Variants in CEP250 observed in about 807,000 individuals in gnomAD.
CEP250 encodes the protein centrosomal protein 250.
CEP250 carries 242 observed loss-of-function variants against 315.7 expected under a neutral mutation model. The observed-to-expected ratio is 0.77, with a 90% CI of 0.69 to 0.85. CEP250 has a LOEUF of 0.85. Among genes scored for constraint, CEP250 ranks in the 40% least tolerant of loss-of-function variants. The probability of loss-of-function intolerance (pLI) is 0.00; values close to 1 mark genes in which losing one functional copy is unlikely to be tolerated. For synonymous variants in CEP250, 1,088 were observed against 1,175.0 expected (o/e 0.93, Z 1.51); for missense variants, 2,515 against 2,886.4 (o/e 0.87, Z 2.95).
At chr20:35,502,007 G>A in intron 29 of CEP250, 41 bp downstream of exon 29, 1 of 1,595,992 alleles carries the variant, frequency 6.3e-7, no homozygotes, top group South Asian at 1.1e-5. Context: ...TGCCTCAGGA[G>A]TAGTCCCTTG....
rs774113176 is a variant in CEP250 at position 35,511,638 on chromosome 20, A to G, written c.*12A>G. ...CCGCCTCCAGGTAGCAGCCACAGCC[A>G]GGAGCACACAGACAGAAGACTGTGT... is the stretch of plus-strand genomic sequence containing the variant. On this transcript the variant is annotated 3_prime_UTR_variant, in exon 35 of 35. Coordinates refer to ENST00000397527, the MANE Select transcript of CEP250 (RefSeq NM_007186.6). 3 of 1,603,732 alleles carry G rather than the reference A, an allele frequency of 1.9e-6. No homozygotes were observed. The highest frequency in any genetic ancestry group is 2.6e-6 in the Non-Finnish European group (3 of 1,174,148).
At chr20:35,470,734 CAA>C (rs1292026531) in intron 10 of CEP250, among the ~76,000 whole-genome samples, 1 of 152,148 alleles carries the variant, frequency 6.6e-6, no homozygotes, top group Non-Finnish European at 1.5e-5. Flanking sequence ...GCCTGGGCAA[CAA>C]GAGTGAAACT....
At chr20:35,498,109 C>A in intron 26 of CEP250, 42 bp downstream of exon 26, 1 of 1,420,930 alleles carries the variant, frequency 7.0e-7, no homozygotes, top group Non-Finnish European at 9.4e-7. Flanking sequence ...GGGCCAAAGC[C>A]AGGCCTGGCT....
intron 10 of CEP250, among the ~76,000 whole-genome samples, chr20:35,470,566 A>T (rs1324610833): frequency 2.6e-5 from 4 of 152,196 alleles, no homozygotes; most frequent in Non-Finnish European, 5.9e-5. Context: ...CCTGACCAAC[A>T]TGCAGAAACC....
intron 20 of CEP250, among the ~76,000 whole-genome samples, chr20:35,483,119 G>A (rs527946169): frequency 1.1e-4 from 17 of 151,580 alleles, no homozygotes; most frequent in African/African-American, 3.6e-4. Context: ...TCAGGAGTTC[G>A]AGACCAGCCT....
At position 35,511,441 on chromosome 20, in the gene CEP250, C is replaced by T. The variant is rs201496220; in HGVS notation, c.7144C>T (p.Arg2382Cys). The T allele has an allele frequency of 2.0e-5, 32 of 1,614,082 alleles. No homozygotes were observed. The East Asian group carries it at 5.1e-4, about 26-fold the overall frequency. ...CATCACCCGCTCAGCACAGACCAGCCGTGAGCTAGCAGGCCTGCACCACAG... is the reference window on the plus strand; with the variant it reads ...CATCACCCGCTCAGCACAGACCAGCTGTGAGCTAGCAGGCCTGCACCACAG... ...DYITRSAQTS[R>C]ELAGLHHSLS... Residue 2382 changes from arginine (R) to cysteine (C), a missense_variant, in exon 35 of 35, where the codon CGT becomes TGT. Coordinates refer to ENST00000397527, the MANE Select transcript of CEP250 (RefSeq NM_007186.6).
At chr20:35,498,476 G>GA (rs2063909085) in intron 26 of CEP250, 119 bp from the exon 27 acceptor site, 1 of 1,248,864 alleles carries the variant, frequency 8.0e-7, no homozygotes, top group East Asian at 2.4e-5. Context: ...GAACTGCTGA[G>GA]AAAGGGGTTC....
rs1337665739 is a variant in CEP250 at position 35,477,677 on chromosome 20, G to T, written c.1864-194G>T. 8 of 589,118 alleles carry T rather than the reference G, an allele frequency of 1.4e-5. No individual in the cohort carries two copies. The Admixed American group carries it at 2.5e-4, about 18-fold the overall frequency. The allele number at this position is 589,118 out of a possible 1,614,324, so 36.5% of individuals were successfully genotyped here. A position where few individuals can be genotyped will look rare whatever the true frequency, so the allele number is the denominator to read the frequency against. ...TTTGCCTTGCATATCTCCGTCCCCA[G>T]CATCCAGCCCATCTAGTACCTGGAA... On this transcript the variant is annotated intron_variant, in intron 16 of 34. Coordinates refer to ENST00000397527, the MANE Select transcript of CEP250 (RefSeq NM_007186.6).
chr20:35,504,300 G>T lies in CEP250; in HGVS notation c.5931G>T (p.Leu1977=), dbSNP rs371750837. ...CCCTTGGCAAGGCTCATGCTGCCCT[G>T]CAGGGGAAAGAGCAGCATCTCCTCG... ...QEALGKAHAA[L]QGKEQHLLEQ... The change falls in exon 30 of 35, where the codon CTG becomes CTT. Residue 1977 remains leucine, a synonymous_variant. Transcript: ENST00000397527. 2 of 1,587,766 alleles carry T rather than the reference G, an allele frequency of 1.3e-6. No individual in the cohort carries two copies. The highest frequency in any genetic ancestry group is 1.7e-6 in the Non-Finnish European group (2 of 1,167,374).
chr20:35,493,444 C>T lies in CEP250; in HGVS notation c.2905C>T (p.Leu969=). The change falls in exon 23 of 35, where the codon CTA becomes TTA. Residue 969 remains leucine (L), a synonymous_variant. Transcript: ENST00000397527. ...CCCTCTTCAGGAGACCACTGGGATA[C>T]TACAGACCCAGCTCCAGGAGGCTCA... The part of the protein sequence containing the change: ...KLKEQETTGI[L]QTQLQEAQRE... The T allele has an allele frequency of 6.2e-7, 1 of 1,607,012 alleles. No individual in the cohort carries two copies. The highest frequency in any genetic ancestry group is 8.5e-7 in the Non-Finnish European group (1 of 1,176,946).
chr20:35,502,479 G>A lies in CEP250; in HGVS notation c.4110G>A (p.Gln1370=). The A allele has an allele frequency of 6.2e-7, 1 of 1,614,198 alleles. No individual in the cohort carries two copies. Among genetic ancestry groups the A allele is most frequent in the Non-Finnish European group, 8.5e-7 (1 of 1,180,016 alleles). The change falls in exon 30 of 35, where the codon CAG becomes CAA. Residue 1370 remains glutamine (Q), a synonymous_variant. Transcript: ENST00000397527. The part of the protein sequence containing the change: ...LQAAVVEARA[Q]ASAAGILEED... ...CAGCTGTCGTAGAAGCCAGGGCTCAGGCAAGTGCTGCTGGCATCCTGGAAG... is the reference window on the plus strand; with the variant it reads ...CAGCTGTCGTAGAAGCCAGGGCTCAAGCAAGTGCTGCTGGCATCCTGGAAG...
intron 30 of CEP250, among the ~76,000 whole-genome samples, chr20:35,505,229 G>A (rs1310259920): frequency 6.6e-6 from 1 of 152,208 alleles, no homozygotes; most frequent in Non-Finnish European, 1.5e-5. Context: ...AGTCTAGTGG[G>A]TAAACAACGA....
chr20:35,501,120 AT>A (rs752869434), intron 28 of CEP250, among the ~76,000 whole-genome samples: 33 of 152,288 alleles, frequency 2.2e-4, no homozygotes, highest in Non-Finnish European at 4.1e-4. Flanking sequence ...AGAAAGTGTC[AT>A]GACTCCTTAC....
At chr20:35,492,166 A>G (rs1480720472) in intron 22 of CEP250, among the ~76,000 whole-genome samples, 2 of 152,184 alleles carry the variant, frequency 1.3e-5, no homozygotes, top group African/African-American at 4.8e-5. Flanking sequence ...GAAGGTTAGA[A>G]AGAAACCAGC....
At position 35,517,560 on chromosome 20, in the gene CEP250, T is replaced by C. The variant is rs894277014; in HGVS notation, c.*5934T>C. 1 of 152,190 alleles carries C rather than the reference T, an allele frequency of 6.6e-6. No individual in the cohort carries two copies. Among genetic ancestry groups the C allele is most frequent in the Admixed American group, 6.5e-5 (1 of 15,276 alleles). 9.4% of individuals were successfully genotyped at this position (152,190 alleles called of 1,614,324 possible). A position where few individuals can be genotyped will look rare whatever the true frequency, so the allele number is the denominator to read the frequency against. ...TTTTCTTTGGTAGACTTTCTTGTCA[T>C]CTATTTAAAATGAAACAAGTGCATG... On this transcript the variant is annotated 3_prime_UTR_variant, in exon 35 of 35. Coordinates refer to ENST00000397527, the MANE Select transcript of CEP250 (RefSeq NM_007186.6).
chr20:35,496,947 C>T (rs751293182), intron 25 of CEP250, among the ~76,000 whole-genome samples: 1 of 151,928 alleles, frequency 6.6e-6, no homozygotes, highest in African/African-American at 2.4e-5. Context: ...ACCTGACAGC[C>T]CACAGCAAAG....
Position 35,502,948 on chromosome 20 carries a change from C to T in CEP250, c.4579C>T (p.Gln1527Ter). ...RETQRNVLEHQLLELEKKDQM... is the reference protein window; with the variant it reads ...RETQRNVLEH Reference sequence around the variant, plus strand: ...GACTCAGAGGAACGTCTTGGAGCATCAGCTTCTAGAACTTGAGAAGAAAGA... The same window carrying T: ...GACTCAGAGGAACGTCTTGGAGCATTAGCTTCTAGAACTTGAGAAGAAAGA... The change falls in exon 30 of 35, where the codon CAG becomes TAG. Residue 1527 changes from glutamine (Q) to a stop codon, truncating the protein, a stop_gained. Coordinates refer to ENST00000397527, the MANE Select transcript of CEP250 (RefSeq NM_007186.6). LOFTEE classifies it high-confidence loss of function. 1 of 1,614,228 alleles carries T rather than the reference C, an allele frequency of 6.2e-7. No homozygotes were observed. Among genetic ancestry groups the T allele is most frequent in the Non-Finnish European group, 8.5e-7 (1 of 1,180,038 alleles).
At chr20:35,511,327 C>A in intron 34 of CEP250, 36 bp from the exon 35 acceptor site, 2 of 1,553,812 alleles carry the variant, frequency 1.3e-6, no homozygotes, top group South Asian at 2.3e-5. Context: ...GGGCCCTCAG[C>A]TGCTCTCGCT....
At chr20:35,482,582 CAG>C (rs1215106600) in intron 20 of CEP250, among the ~76,000 whole-genome samples, 3 of 150,852 alleles carry the variant, frequency 2.0e-5, no homozygotes, top group Non-Finnish European at 4.4e-5. Context: ...TTTTTTGAGA[CAG>C]AGTCTTGCTC....
Sources: gnomAD v4.1 joint callset for allele counts (sites outside exome capture counted in the v4.1 genomes callset) on GRCh38, gnomAD v4.1.1 for gene constraint, MANE v1.5 for transcripts, NCBI Gene and HGNC (gene_info 2026-07-23, HGNC 2026-07-21) for gene names.